The following ZNF782 variants were observed in gnomAD, a reference collection of about 807,000 sequenced individuals.
ZNF782 encodes the protein zinc finger protein 782.
ZNF782 carries 12 observed loss-of-function variants against 13.0 expected under a neutral mutation model. The observed-to-expected ratio is 0.92, with a 90% CI of 0.59 to 1.50. The LOEUF is 1.50. Among genes scored for constraint, ZNF782 ranks in the 40% most tolerant of loss-of-function variants. The pLI is 0.00. For synonymous variants in ZNF782, 284 were observed against 283.0 expected, an observed-to-expected ratio of 1.00 and a Z score of -0.04; for missense variants, 770 against 822.9, an observed-to-expected ratio of 0.94 and a Z score of 0.79.
At chr9:96,914,020 G>A in the ZNF782 span, among the ~76,000 whole-genome samples, 5 of 151,120 alleles carry the variant, frequency 3.3e-5, no homozygotes, top group African/African-American at 1.2e-4. Context: ...GTGTGATTAT[G>A]GTTGAATGTG....
chr9:96,876,244 G>A (rs1380552446), upstream of ZNF782, among the ~76,000 whole-genome samples: 2 of 152,216 alleles, frequency 1.3e-5, no homozygotes, highest in Non-Finnish European at 2.9e-5. Flanking sequence ...GTTAAGTGGA[G>A]TTATATTGGA....
upstream of ZNF782, among the ~76,000 whole-genome samples, chr9:96,878,997 T>A (rs771211610): frequency 6.6e-6 from 1 of 152,024 alleles, no homozygotes; most frequent in Admixed American, 6.6e-5. Context: ...AAATTTCTTT[T>A]AAAAAAAGAA....
the ZNF782 span, among the ~76,000 whole-genome samples, chr9:96,904,614 T>C: frequency 8.1e-6 from 1 of 122,704 alleles, no homozygotes; most frequent in Non-Finnish European, 1.5e-5. Context: ...AGATAAGTGA[T>C]TTCTCAACAT....
chr9:96,910,170 A>C, the ZNF782 span: 2 of 838,714 alleles, frequency 2.4e-6, no homozygotes. Flanking sequence ...AATGGAAGAG[A>C]CGCCCCTGCT....
At chr9:96,857,588 G>A (rs1003238042), upstream of ZNF782, among the ~76,000 whole-genome samples, 1 of 152,212 alleles carries the variant, frequency 6.6e-6, no homozygotes, top group Non-Finnish European at 1.5e-5. Flanking sequence ...AACCAAACTA[G>A]AAGAGGATTG....
the ZNF782 span, chr9:96,931,583 G>C: frequency 1.1e-5 from 8 of 720,812 alleles, no homozygotes; most frequent in Non-Finnish European, 1.9e-5. Flanking sequence ...CAGAGCATCT[G>C]ATGCACACTC....
the ZNF782 span, among the ~76,000 whole-genome samples, chr9:96,908,206 G>A: frequency 6.6e-6 from 1 of 151,632 alleles, no homozygotes; most frequent in Non-Finnish European, 1.5e-5. Flanking sequence ...GTATTGCTGC[G>A]TTGCCCATGC....
the ZNF782 span, among the ~76,000 whole-genome samples, chr9:96,884,464 T>C: frequency 6.6e-6 from 1 of 152,198 alleles, no homozygotes; most frequent in African/African-American, 2.4e-5. Flanking sequence ...CCTTTCCTGA[T>C]ATCAACAATA....
chr9:96,862,894 C>T (rs187138359), intron 1 of ZNF782, among the ~76,000 whole-genome samples: 70 of 152,244 alleles, frequency 4.6e-4, no homozygotes, highest in African/African-American at 1.4e-3. Flanking sequence ...AATCTGGCGG[C>T]GGTGGGTGGC....
upstream of ZNF782, among the ~76,000 whole-genome samples, chr9:96,878,653 T>C (rs975612740): frequency 1.3e-5 from 2 of 152,272 alleles, no homozygotes; most frequent in Non-Finnish European, 2.9e-5. Context: ...GTTCCTTAAC[T>C]ACATTGTAGG....
At chr9:96,880,563 T>C (rs1851949793), upstream of ZNF782, among the ~76,000 whole-genome samples, 1 of 152,234 alleles carries the variant, frequency 6.6e-6, no homozygotes, top group Non-Finnish European at 1.5e-5. Flanking sequence ...ATTTTTTCTT[T>C]AGTCTGTCAA....
At chr9:96,877,372 G>A (rs1443003476), upstream of ZNF782, among the ~76,000 whole-genome samples, 1 of 152,228 alleles carries the variant, frequency 6.6e-6, no homozygotes, top group Non-Finnish European at 1.5e-5. Context: ...AGACGTAGAG[G>A]CCCTGACCTC....
chr9:96,831,555 A>T (rs184462037), intron 4 of ZNF782, among the ~76,000 whole-genome samples: 1 of 150,844 alleles, frequency 6.6e-6, no homozygotes, highest in African/African-American at 2.4e-5. Context: ...TAAAAATACA[A>T]AAAAAAAATT....
chr9:96,911,760 T>C, the ZNF782 span, among the ~76,000 whole-genome samples: 1 of 151,774 alleles, frequency 6.6e-6, no homozygotes, highest in Non-Finnish European at 1.5e-5. Context: ...GACCTCGTGA[T>C]CCGCCCACCT....
the ZNF782 span, among the ~76,000 whole-genome samples, chr9:96,885,783 A>G: frequency 2.0e-5 from 3 of 152,052 alleles, no homozygotes; most frequent in Non-Finnish European, 2.9e-5. Flanking sequence ...CTCAATTTAA[A>G]TAACTTATTT....
intron 3 of ZNF782, among the ~76,000 whole-genome samples, chr9:96,847,726 T>G (rs1851380467): frequency 6.6e-6 from 1 of 152,164 alleles, no homozygotes; most frequent in Admixed American, 6.6e-5. Flanking sequence ...GATTCACAGC[T>G]GAATTCTACC....
chr9:96,917,325 C>A, the ZNF782 span, among the ~76,000 whole-genome samples: 1 of 149,848 alleles, frequency 6.7e-6, no homozygotes, highest in African/African-American at 2.5e-5. Flanking sequence ...TATATGCATA[C>A]GTTAATTTTC....
At chr9:96,932,940 T>C in the ZNF782 span, among the ~76,000 whole-genome samples, 2 of 151,462 alleles carry the variant, frequency 1.3e-5, no homozygotes, top group South Asian at 2.1e-4. Context: ...TGAGCCATCA[T>C]GCCCCGCCCC....
chr9:96,879,232 T>C (rs1851932768), upstream of ZNF782, among the ~76,000 whole-genome samples: 1 of 152,212 alleles, frequency 6.6e-6, no homozygotes, highest in South Asian at 2.1e-4. Context: ...CTCACGCCTA[T>C]AATCCCAGCA....
Sources: gnomAD v4.1 joint callset for allele counts (sites outside exome capture counted in the v4.1 genomes callset) on GRCh38, gnomAD v4.1.1 for gene constraint, MANE v1.5 for transcripts, NCBI Gene and HGNC (gene_info 2026-07-23, HGNC 2026-07-21) for gene names.